ANAPC2: variants seen among roughly 807,000 people sequenced by gnomAD.
ANAPC2 encodes anaphase-promoting complex subunit 2.
A neutral mutation model predicts 84.3 loss-of-function variants in ANAPC2; 29 were observed. The observed-to-expected ratio is 0.34, with a 90% CI of 0.26 to 0.47. The LOEUF (loss-of-function observed/expected upper bound fraction) is 0.47. Among genes scored for constraint, ANAPC2 ranks in the 20% least tolerant of loss-of-function variants. ANAPC2 has a pLI of 1.00. For missense variants in ANAPC2, 857 were observed against 1,131.7 expected (o/e 0.76, Z 3.48); for synonymous variants, 571 against 479.4 (o/e 1.19, Z -2.50).
chr9:137,187,845 G>C lies in ANAPC2; in HGVS notation c.376C>G (p.Leu126Val), dbSNP rs367903351. 2 of 1,613,506 alleles carry C rather than the reference G, an allele frequency of 1.2e-6. No individual in the cohort carries two copies. Among genetic ancestry groups the C allele is most frequent in the East Asian group, 2.2e-5 (1 of 44,902 alleles). The change falls in exon 2 of 13, where the codon CTG becomes GTG. Residue 126 changes from leucine (L) to valine (V), a missense_variant. Transcript: ENST00000323927. ...GLLESRLDPY[L>V]RSLELLEKWT... ...TTCTCCAGCAGCTCTAGGCTACGCAGGTAGGGATCCAGGCGGCTCTCCAGC... is the reference window on the plus strand; with the variant it reads ...TTCTCCAGCAGCTCTAGGCTACGCACGTAGGGATCCAGGCGGCTCTCCAGC...
Position 137,185,475 on chromosome 9 carries a change from T to C in ANAPC2, c.874-388A>G, listed in dbSNP as rs192226081. Among the ~76,000 whole-genome samples the C allele has an allele frequency of 2.1e-3, 323 of 152,036 alleles. 1 individual carries two copies. Among genetic ancestry groups the C allele is most frequent in the African/African-American group, 7.6e-3 (315 of 41,492 alleles). On this transcript the variant is annotated intron_variant, in intron 3 of 12. Transcript: ENST00000323927. Reference sequence around the variant, plus strand: ...GCCCAGGCGAGCACAAACCTCTAGGTGGCAATTCCGCCGCGGGGCCCAGGC... The same window carrying C: ...GCCCAGGCGAGCACAAACCTCTAGGCGGCAATTCCGCCGCGGGGCCCAGGC...
At chr9:137,187,338 A>T in intron 2 of ANAPC2, 143 bp downstream of exon 2, 1 of 1,086,980 alleles carries the variant, frequency 9.2e-7, no homozygotes, top group Non-Finnish European at 1.3e-6. Context: ...GACACGCTGC[A>T]CAGGAATCCC....
intron 10 of ANAPC2, among the ~76,000 whole-genome samples, chr9:137,179,050 G>C (rs1425170285): frequency 1.3e-5 from 2 of 152,108 alleles, no homozygotes; most frequent in Non-Finnish European, 2.9e-5. Flanking sequence ...AGAAGCTGTG[G>C]ACCCTCCCTT....
intron 10 of ANAPC2, among the ~76,000 whole-genome samples, chr9:137,178,567 G>A (rs942670950): frequency 6.6e-6 from 1 of 152,174 alleles, no homozygotes; most frequent in East Asian, 1.9e-4. Flanking sequence ...GACCGAGCAC[G>A]GAGCCGGGCC....
chr9:137,178,131 C>T (rs1834263839), intron 10 of ANAPC2, among the ~76,000 whole-genome samples: 1 of 152,244 alleles, frequency 6.6e-6, no homozygotes, highest in Non-Finnish European at 1.5e-5. Flanking sequence ...TGGAAACAAA[C>T]CCCTCTTTAT....
At chr9:137,184,289 CAGACG>C (rs1834408028) in intron 4 of ANAPC2, among the ~76,000 whole-genome samples, 1 of 150,700 alleles carries the variant, frequency 6.6e-6, no homozygotes, top group African/African-American at 2.4e-5. Context: ...ACAGGGAGCC[CAGACG>C]CAGACACAAG....
intron 11 of ANAPC2, 59 bp from the exon 12 acceptor site, chr9:137,175,531 C>A (rs1426406424): frequency 1.3e-6 from 2 of 1,495,974 alleles, no homozygotes; most frequent in African/African-American, 1.4e-5. Flanking sequence ...CCTCCCCTGC[C>A]TCCCGTCAGC....
intron 4 of ANAPC2, 128 bp from the exon 5 acceptor site, chr9:137,183,919 G>C (rs1834397160): frequency 7.9e-7 from 1 of 1,270,532 alleles, no homozygotes; most frequent in Non-Finnish European, 1.1e-6. Context: ...GAGACCACCT[G>C]CTAGGCACCA....
intron 2 of ANAPC2, chr9:137,187,038 C>G (rs1038716909): frequency 5.4e-6 from 1 of 183,494 alleles, no homozygotes; most frequent in African/African-American, 2.4e-5. Flanking sequence ...AACCCCTCTC[C>G]TCTCCAAACT....
rs764548140 is a variant in ANAPC2, at chr9:137,183,656, G to A, written c.1168+16C>T. The stretch of plus-strand genomic sequence containing the variant: ...TCTAAGCCCAGAGTGCTGGGTGGCC[G>A]GGCAGCACACAGCACCTGGATGCAG... On this transcript the variant is annotated intron_variant, in intron 5 of 12. Transcript: ENST00000323927. 3.2e-5 allele frequency: 51 copies of A among 1,606,094 alleles called. No homozygotes were observed. Among genetic ancestry groups the A allele is most frequent in the African/African-American group, 2.7e-5 (2 of 74,824 alleles).
chr9:137,176,109 G>GCAAA (rs1215095418), intron 10 of ANAPC2: 34 of 393,650 alleles, frequency 8.6e-5, no homozygotes, highest in African/African-American at 6.3e-4. Context: ...GGCCATATTT[G>GCAAA]CAAACAGGGT....
intron 4 of ANAPC2, among the ~76,000 whole-genome samples, chr9:137,184,634 G>A (rs1424182599): frequency 3.1e-5 from 4 of 128,624 alleles, no homozygotes; most frequent in African/African-American, 9.0e-5. Flanking sequence ...GAGCAGACAC[G>A]GTGAAGGCAC....
In ANAPC2 at chr9:137,175,261, G is replaced by T; in HGVS notation, c.2232C>A (p.Ala744=). The T allele has an allele frequency of 1.9e-6, 3 of 1,612,484 alleles. No homozygotes were observed. Among genetic ancestry groups the T allele is most frequent in the Non-Finnish European group, 1.7e-6 (2 of 1,179,800 alleles). The change falls in exon 12 of 13, where the codon GCC becomes GCA. Residue 744 remains alanine (A), a synonymous_variant. Coordinates refer to ENST00000323927, the MANE Select transcript of ANAPC2 (RefSeq NM_013366.4). ...DESDSGMASQ[A]DQKEEELLLF... ...CCAGCAGCTCCTCCTCCTTCTGGTCGGCCTGGGAGGCCATGCCGGAGTCGC... is the reference window on the plus strand; with the variant it reads ...CCAGCAGCTCCTCCTCCTTCTGGTCTGCCTGGGAGGCCATGCCGGAGTCGC...
At chr9:137,180,996 C>T in intron 7 of ANAPC2, 67 bp from the exon 8 acceptor site, 4 of 1,576,960 alleles carry the variant, frequency 2.5e-6, no homozygotes, top group Non-Finnish European at 3.4e-6. Context: ...GCCCTCCTCC[C>T]ATCCCGCCCA....
chr9:137,186,537 G>A, intron 2 of ANAPC2, 181 bp from the exon 3 acceptor site: 6 of 880,608 alleles, frequency 6.8e-6, no homozygotes, highest in Non-Finnish European at 1.0e-5. Context: ...AAGGCTTCAA[G>A]AAGCCACTGG....
rs539703167 is a variant in ANAPC2 at position 137,184,807 on chromosome 9, G to A, written c.1048+106C>T. The A allele has an allele frequency of 5.7e-5, 80 of 1,412,834 alleles. No individual in the cohort carries two copies. In the Admixed American group the frequency reaches 6.5e-4, roughly 12 times the overall value. The allele number at this position is 1,412,834 out of a possible 1,614,324, so 87.5% of individuals were successfully genotyped here. Reference sequence around the variant, plus strand: ...CCAGACGCAGACACAGAGCAGACACGGTGAAGGCACAGGGAGCCCAGATGC... The same window carrying A: ...CCAGACGCAGACACAGAGCAGACACAGTGAAGGCACAGGGAGCCCAGATGC... On this transcript the variant is annotated intron_variant, in intron 4 of 12. Transcript: ENST00000323927.
At chr9:137,185,608 T>C (rs1306012563) in intron 3 of ANAPC2, among the ~76,000 whole-genome samples, 2 of 152,182 alleles carry the variant, frequency 1.3e-5, no homozygotes, top group Non-Finnish European at 2.9e-5. Flanking sequence ...ACCCTCCCTC[T>C]TTGAAAACCC....
intron 10 of ANAPC2, 136 bp from the exon 11 acceptor site, chr9:137,175,973 CGAGAGCACAG>C: frequency 1.7e-6 from 2 of 1,167,744 alleles, no homozygotes; most frequent in South Asian, 1.6e-5. Flanking sequence ...AGGTGAGCAG[CGAGAGCACAG>C]GACTGGGTGG....
intron 2 of ANAPC2, 161 bp downstream of exon 2, chr9:137,187,320 G>T: frequency 1.1e-6 from 1 of 886,874 alleles, no homozygotes; most frequent in Non-Finnish European, 1.7e-6. Flanking sequence ...AGAGACACCT[G>T]TGTCCAGGAC....
Sources: allele counts gnomAD v4.1 joint callset (sites outside exome capture counted in the v4.1 genomes callset), GRCh38; gene constraint gnomAD v4.1.1; transcripts MANE v1.5; gene names NCBI Gene and HGNC (gene_info 2026-07-23, HGNC 2026-07-21).